Variants in PTPRN2 observed in about 807,000 individuals in gnomAD.
PTPRN2 encodes the protein receptor-type tyrosine-protein phosphatase N2.
In PTPRN2, 74 loss-of-function variants were observed where a neutral mutation model predicts 118.8. That is an observed-to-expected ratio of 0.62 (90% CI 0.52 to 0.76). The LOEUF (loss-of-function observed/expected upper bound fraction) is 0.76. Among genes scored for constraint, PTPRN2 ranks in the 30% least tolerant of loss-of-function variants. PTPRN2 has a pLI of 0.00. For missense variants in PTPRN2, 1,481 were observed against 1,394.4 expected, an observed-to-expected ratio of 1.06 and a Z score of -0.99; for synonymous variants, 641 against 608.0, an observed-to-expected ratio of 1.05 and a Z score of -0.80.
intron 12 of PTPRN2, among the ~76,000 whole-genome samples, chr7:157,819,615 A>C (rs1190012663): frequency 6.6e-6 from 1 of 151,286 alleles, no homozygotes; most frequent in Non-Finnish European, 1.5e-5. Context: ...GGGTACACCA[A>C]GCGGCCACGG....
At chr7:157,637,157 T>C (rs1314266093) in intron 14 of PTPRN2, among the ~76,000 whole-genome samples, 1 of 152,214 alleles carries the variant, frequency 6.6e-6, no homozygotes, top group African/African-American at 2.4e-5. Flanking sequence ...CTTTGACATA[T>C]GAAATATAGT....
At chr7:158,329,088 A>G (rs984271777) in intron 2 of PTPRN2, among the ~76,000 whole-genome samples, 1 of 152,184 alleles carries the variant, frequency 6.6e-6, no homozygotes, top group Non-Finnish European at 1.5e-5. Flanking sequence ...GGGATGGCAA[A>G]TCCAGCGGCG....
At chr7:158,484,722 C>T (rs911214359) in intron 2 of PTPRN2, among the ~76,000 whole-genome samples, 1 of 152,210 alleles carries the variant, frequency 6.6e-6, no homozygotes, top group African/African-American at 2.4e-5. Context: ...CGGTTTCTTC[C>T]TCTGAGCACG....
In PTPRN2 at chr7:158,138,368, C is replaced by A; in HGVS notation, c.1058G>T (p.Gly353Val). The A allele has an allele frequency of 6.2e-7, 1 of 1,613,862 alleles. No homozygotes were observed. The highest frequency in any genetic ancestry group is 8.5e-7 in the Non-Finnish European group (1 of 1,180,036). Residue 353 changes from glycine (G) to valine (V), a missense_variant, in exon 7 of 23, where the codon GGG becomes GTG. Gly to Val is a moderately radical substitution (Grantham distance 109, BLOSUM62 -3). Around this residue, in one of 3 missense-constraint regions of PTPRN2, gnomAD observed 1,115 missense variants for 994.2 expected, o/e 1.12. Coordinates refer to ENST00000389418, the MANE Select transcript of PTPRN2 (RefSeq NM_002847.5). The part of the protein sequence containing the change: ...VDHGVARGSP[G>V]RAALGESGEQ... ...TCCAGACTCTCCCAGGGCCGCTCTC[C>A]CAGGGCTGCCTCGAGCTACTCCATG... is the stretch of plus-strand genomic sequence containing the variant.
chr7:158,515,944 C>T (rs1823522828), intron 1 of PTPRN2, among the ~76,000 whole-genome samples: 1 of 152,164 alleles, frequency 6.6e-6, no homozygotes, highest in Non-Finnish European at 1.5e-5. Context: ...ACGTTGTAAC[C>T]TCTATCACAC....
At position 157,571,639 on chromosome 7, in the gene PTPRN2, CATA is replaced by C. The variant is rs1799763674; in HGVS notation, c.2784-149_2784-147del. On this transcript the variant is annotated intron_variant, in intron 19 of 22. Transcript: ENST00000389418. ...TGACGGAGAAAATAAAAATCATACG[CATA>C]ATATCAAACATTTATTCTTCTTCTC... is the stretch of plus-strand genomic sequence containing the variant. 6.6e-6 allele frequency: 4 copies of C among 603,404 alleles called. No homozygotes were observed. In the South Asian group the frequency reaches 9.0e-5, roughly 14 times the overall value. 37.4% of individuals were successfully genotyped at this position (603,404 alleles called of 1,614,324 possible).
intron 11 of PTPRN2, among the ~76,000 whole-genome samples, chr7:158,055,393 C>T (rs532785415): frequency 1.7e-3 from 266 of 152,270 alleles, no homozygotes; most frequent in Non-Finnish European, 3.0e-3. Context: ...GAAAAACACC[C>T]GCTACTTAGC....
Position 158,393,206 on chromosome 7 carries a change from C to T in PTPRN2, c.164-76274G>A, listed in dbSNP as rs185386638. ...AGCGCCTCCAACGCACCCTCCTCAC[C>T]CCACGGCGTCTTTAAAAAGGCCGAA... On this transcript the variant is annotated intron_variant, in intron 2 of 22. Coordinates refer to ENST00000389418, the MANE Select transcript of PTPRN2 (RefSeq NM_002847.5). Among the ~76,000 whole-genome samples the T allele has an allele frequency of 3.6e-3, 547 of 152,308 alleles. 5 individuals carry two copies. Among genetic ancestry groups the T allele is most frequent in the African/African-American group, 0.012 (482 of 41,554 alleles).
chr7:158,479,295 C>T (rs549192395), intron 2 of PTPRN2, among the ~76,000 whole-genome samples: 48 of 152,152 alleles, frequency 3.2e-4, no homozygotes, highest in African/African-American at 1.2e-3. Flanking sequence ...ACAGCCTGGA[C>T]GTTGCTGCAA....
intron 1 of PTPRN2, among the ~76,000 whole-genome samples, chr7:158,496,091 G>A (rs1821823605): frequency 6.6e-6 from 1 of 151,900 alleles, no homozygotes; most frequent in African/African-American, 2.4e-5. Flanking sequence ...CTATGACCAA[G>A]GGACCTGGCA....
chr7:158,331,478 C>A (rs1282732463), intron 2 of PTPRN2, among the ~76,000 whole-genome samples: 1 of 148,722 alleles, frequency 6.7e-6, no homozygotes. Flanking sequence ...ACGTCACTCA[C>A]ACCCACACTC....
At chr7:158,151,072 C>CACCACCTGCCTT (rs1563520546) in intron 6 of PTPRN2, among the ~76,000 whole-genome samples, 1 of 98,220 alleles carries the variant, frequency 1.0e-5, no homozygotes. Context: ...CGCCTTTCCA[C>CACCACCTGCCTT]TCTTGCCCCT....
Position 158,141,913 on chromosome 7 carries a change from C to T in PTPRN2, c.911-3398G>A, listed in dbSNP as rs187826151. Among the ~76,000 whole-genome samples, 23 of 152,344 alleles carry T rather than the reference C, an allele frequency of 1.5e-4. No individual in the cohort carries two copies. In the East Asian group the frequency reaches 2.7e-3, roughly 18 times the overall value. On this transcript the variant is annotated intron_variant, in intron 6 of 22. Transcript: ENST00000389418. The stretch of plus-strand genomic sequence containing the variant: ...CTGTACACGAAATGTGTGACGGACA[C>T]GGGCGTTCTGATCGGAGCGTGCTGG...
intron 20 of PTPRN2, 68 bp from the exon 21 acceptor site, chr7:157,569,034 G>C: frequency 7.0e-7 from 1 of 1,427,788 alleles, no homozygotes; most frequent in Non-Finnish European, 9.8e-7. Context: ...AACAAAGCTA[G>C]TGACAGTTCA....
intron 11 of PTPRN2, among the ~76,000 whole-genome samples, chr7:157,991,060 G>A (rs1013050231): frequency 6.6e-6 from 1 of 152,170 alleles, no homozygotes; most frequent in Non-Finnish European, 1.5e-5. Context: ...GCTTTGGGGT[G>A]TGGATGCAGG....
At chr7:158,116,293 G>T (rs1585490303) in intron 9 of PTPRN2, among the ~76,000 whole-genome samples, 1 of 152,246 alleles carries the variant, frequency 6.6e-6, no homozygotes, top group Non-Finnish European at 1.5e-5. Flanking sequence ...GTTTTGGGAA[G>T]ATGGTGAGTA....
chr7:158,342,595 A>G (rs184240710), intron 2 of PTPRN2, among the ~76,000 whole-genome samples: 3 of 151,916 alleles, frequency 2.0e-5, no homozygotes, highest in African/African-American at 7.3e-5. Flanking sequence ...TCACACCCAC[A>G]CTCTCACCAT....
At chr7:157,982,761 C>A (rs1803388015) in intron 11 of PTPRN2, among the ~76,000 whole-genome samples, 1 of 101,442 alleles carries the variant, frequency 9.9e-6, no homozygotes, top group African/African-American at 4.0e-5. Flanking sequence ...ATGCAGAGTG[C>A]AGGGTCCCCC....
At chr7:158,208,219 G>C (rs1233530960) in intron 3 of PTPRN2, among the ~76,000 whole-genome samples, 1 of 152,162 alleles carries the variant, frequency 6.6e-6, no homozygotes, top group Non-Finnish European at 1.5e-5. Flanking sequence ...AGAGAAAGAG[G>C]TAGAAAGTTT....
Sources: allele counts gnomAD v4.1 joint callset (sites outside exome capture counted in the v4.1 genomes callset), GRCh38; gene constraint gnomAD v4.1.1; regional missense constraint gnomAD v4.1.1; transcripts MANE v1.5; gene names NCBI Gene and HGNC (gene_info 2026-07-23, HGNC 2026-07-21).